The following ATP1B1 variants were observed in gnomAD, a reference collection of about 807,000 sequenced individuals.
ATP1B1 encodes the protein sodium/potassium-transporting ATPase subunit beta-1.
ATP1B1 carries 3 observed loss-of-function variants against 39.6 expected under a neutral mutation model. That is an observed-to-expected ratio of 0.08 (90% CI 0.03 to 0.20). The LOEUF (loss-of-function observed/expected upper bound fraction) is 0.20. Ranked by LOEUF, ATP1B1 falls within the 10% of genes least tolerant of loss-of-function variation. The probability of loss-of-function intolerance (pLI) is 1.00; values close to 1 mark genes in which losing one functional copy is unlikely to be tolerated. For synonymous variants in ATP1B1, 139 were observed against 135.0 expected (o/e 1.03, Z -0.20); for missense variants, 216 against 371.1 (o/e 0.58, Z 3.43).
At chr1:169,111,891 A>AG (rs1370239659) in intron 2 of ATP1B1, among the ~76,000 whole-genome samples, 1 of 151,952 alleles carries the variant, frequency 6.6e-6, no homozygotes, top group South Asian at 2.1e-4. Flanking sequence ...TTACTTCTTG[A>AG]GGGGGGCTAT....
At chr1:169,110,586 T>G in intron 1 of ATP1B1, 27 of 898,520 alleles carry the variant, frequency 3.0e-5, no homozygotes, top group Non-Finnish European at 3.7e-5. Flanking sequence ...TTTTTTTTTT[T>G]GCTTTTGCAG....
At chr1:169,115,945 A>G (rs1313041422) in intron 2 of ATP1B1, among the ~76,000 whole-genome samples, 1 of 152,244 alleles carries the variant, frequency 6.6e-6, no homozygotes, top group Non-Finnish European at 1.5e-5. Flanking sequence ...GCAGTCCTGC[A>G]GTGCTGCTCT....
intron 2 of ATP1B1, among the ~76,000 whole-genome samples, chr1:169,121,482 A>G (rs111956855): frequency 1.1e-3 from 171 of 152,274 alleles, no homozygotes; most frequent in African/African-American, 3.9e-3. Flanking sequence ...ATTGTGAAGG[A>G]ATGAAAAGCG....
rs34447553 is a variant in ATP1B1, at chr1:169,132,019, ATTTTTTTTT to A, written c.*478_*486del. On this transcript the variant is annotated 3_prime_UTR_variant, in exon 6 of 6. Coordinates refer to ENST00000367815, the MANE Select transcript of ATP1B1 (RefSeq NM_001677.4). ...CAACGGGAATAAAACTGGCATGGTA[ATTTTTTTTT>A]TTTTTTTTTTTTTGTTTTTTGGCTC... is the stretch of plus-strand genomic sequence containing the variant. The A allele has an allele frequency of 1.0e-5, 2 of 190,950 alleles. No homozygotes were observed. Among genetic ancestry groups the A allele is most frequent in the Non-Finnish European group, 2.0e-5 (2 of 102,322 alleles). 11.8% of individuals were successfully genotyped at this position (190,950 alleles called of 1,614,324 possible). A position where few individuals can be genotyped will look rare whatever the true frequency, so the allele number is the denominator to read the frequency against.
rs1190292706 is a variant in ATP1B1 at position 169,106,871 on chromosome 1, A to G, written c.42A>G (p.Lys14=). The change falls in exon 1 of 6, where the codon AAA becomes AAG. Residue 14 remains lysine (K), a synonymous_variant. Coordinates refer to ENST00000367815, the MANE Select transcript of ATP1B1 (RefSeq NM_001677.4). ...CCAAGGAGGAGGGCAGCTGGAAGAA[A>G]TTCATCTGGAACTCAGAGAAGAAGG... The part of the protein sequence containing the change: ...GKAKEEGSWK[K]FIWNSEKKEF... 3.8e-6 allele frequency: 6 copies of G among 1,586,936 alleles called. No homozygotes were observed. In the African/African-American group the frequency reaches 8.4e-5, roughly 22 times the overall value.
rs144954792 is a variant in ATP1B1 at position 169,126,702 on chromosome 1, C to A, written c.383-522C>A. ...CTCCAACCTAGGCCACGGAGTGAGACCCTGTCTCAAAAAAACCCTTAAGTG... is the reference window on the plus strand; with the variant it reads ...CTCCAACCTAGGCCACGGAGTGAGAACCTGTCTCAAAAAAACCCTTAAGTG... On this transcript the variant is annotated intron_variant, in intron 3 of 5. Transcript: ENST00000367815. Among the ~76,000 whole-genome samples, 21 of 152,118 alleles carry A rather than the reference C, an allele frequency of 1.4e-4. No individual in the cohort carries two copies. The East Asian group carries it at 2.9e-3, about 21-fold the overall frequency.
intron 2 of ATP1B1, among the ~76,000 whole-genome samples, chr1:169,121,979 CT>C (rs1346610221): frequency 2.0e-5 from 3 of 149,492 alleles, no homozygotes; most frequent in Non-Finnish European, 4.5e-5. Context: ...ATTTGCTCTC[CT>C]TCACTTGTCT....
rs1328515350 is a variant in ATP1B1, at chr1:169,110,643, A to C, written c.98-727A>C. On this transcript the variant is annotated intron_variant, in intron 1 of 5. Coordinates refer to ENST00000367815, the MANE Select transcript of ATP1B1 (RefSeq NM_001677.4). The stretch of plus-strand genomic sequence containing the variant: ...TGTCTTGTTAACTATGGGAAAAAGA[A>C]AATGCAGCCCAGCAAGTCAGTCATT... 6.2e-6 allele frequency: 8 copies of C among 1,286,304 alleles called. No individual in the cohort carries two copies. In the African/African-American group the frequency reaches 7.6e-5, roughly 12 times the overall value. 79.7% of individuals were successfully genotyped at this position (1,286,304 alleles called of 1,614,324 possible). A position where few individuals can be genotyped will look rare whatever the true frequency, so the allele number is the denominator to read the frequency against.
chr1:169,112,763 GA>G lies in ATP1B1; in HGVS notation c.226+1275del, dbSNP rs555599818. On this transcript the variant is annotated intron_variant, in intron 2 of 5. Coordinates refer to ENST00000367815, the MANE Select transcript of ATP1B1 (RefSeq NM_001677.4). ...TTAGAGCTGAGGGATTGGGGAAGTG[GA>G]AAAAAAAAATCACGTAAGTAAATAA... Among the ~76,000 whole-genome samples the G allele has an allele frequency of 6.8e-3, 1,013 of 149,822 alleles. 8 individuals are homozygous for G. Among genetic ancestry groups the G allele is most frequent in the Non-Finnish European group, 7.9e-3 (532 of 67,314 alleles).
At chr1:169,117,688 A>C (rs955049232) in intron 2 of ATP1B1, among the ~76,000 whole-genome samples, 2 of 152,216 alleles carry the variant, frequency 1.3e-5, no homozygotes, top group Non-Finnish European at 2.9e-5. Flanking sequence ...GTCCACTTCT[A>C]CCATAAAATC....
chr1:169,115,068 C>T lies in ATP1B1; in HGVS notation c.226+3570C>T, dbSNP rs918791043. On this transcript the variant is annotated intron_variant, in intron 2 of 5. Transcript: ENST00000367815. ...GTCGTAGTGGCGGGCACCTGTAGTCCCAGCTACTCGGAAGGCTGAGGCAGG... is the reference window on the plus strand; with the variant it reads ...GTCGTAGTGGCGGGCACCTGTAGTCTCAGCTACTCGGAAGGCTGAGGCAGG... Among the ~76,000 whole-genome samples the T allele has an allele frequency of 1.1e-4, 17 of 151,356 alleles. 1 individual carries two copies. Among genetic ancestry groups the T allele is most frequent in the Admixed American group, 1.1e-3 (17 of 15,226 alleles).
At chr1:169,130,554 C>T (rs761347381) in intron 5 of ATP1B1, among the ~76,000 whole-genome samples, 7 of 151,872 alleles carry the variant, frequency 4.6e-5, no homozygotes, top group Non-Finnish European at 1.0e-4. Context: ...TTTGGGAGGC[C>T]GAGATGGGCA....
intron 2 of ATP1B1, among the ~76,000 whole-genome samples, chr1:169,123,052 C>G (rs893133837): frequency 1.1e-4 from 16 of 152,120 alleles, no homozygotes; most frequent in African/African-American, 3.6e-4. Flanking sequence ...CATTATGTAA[C>G]CACTTTTAAA....
At chr1:169,121,934 T>C (rs1433722103) in intron 2 of ATP1B1, among the ~76,000 whole-genome samples, 1 of 152,154 alleles carries the variant, frequency 6.6e-6, no homozygotes, top group Non-Finnish European at 1.5e-5. Context: ...TGACCTTCCC[T>C]GAAGGTCAGA....
chr1:169,119,492 G>A (rs926967004), intron 2 of ATP1B1, among the ~76,000 whole-genome samples: 1 of 152,214 alleles, frequency 6.6e-6, no homozygotes, highest in African/African-American at 2.4e-5. Context: ...AGTGCAAACA[G>A]AGCTCATCCT....
At chr1:169,117,266 A>G (rs1657871149) in intron 2 of ATP1B1, among the ~76,000 whole-genome samples, 1 of 152,192 alleles carries the variant, frequency 6.6e-6, no homozygotes, top group African/African-American at 2.4e-5. Context: ...ATGAGTTAGC[A>G]TTGGTGGCAA....
Position 169,106,904 on chromosome 1 carries a change from G to A in ATP1B1, c.75G>A (p.Leu25=). ...GGAACTCAGAGAAGAAGGAGTTTCT[G>A]GGCAGGACCGGTGGCAGTTGGTGTA... ...FIWNSEKKEF[L]GRTGGSWFKI... is the part of the protein sequence containing the mutation. The change falls in exon 1 of 6, where the codon CTG becomes CTA. Residue 25 remains leucine (L), a synonymous_variant. Transcript: ENST00000367815. 6.3e-7 allele frequency: 1 copy of A among 1,579,902 alleles called. No homozygotes were observed. Among genetic ancestry groups the A allele is most frequent in the South Asian group, 1.1e-5 (1 of 87,458 alleles).
In ATP1B1 at chr1:169,131,717, A is replaced by G. The variant is rs1442438012; in HGVS notation, c.*162A>G. 7 of 831,166 alleles carry G rather than the reference A, an allele frequency of 8.4e-6. No individual in the cohort carries two copies. The allele number at this position is 831,166 out of a possible 1,614,324, so 51.5% of individuals were successfully genotyped here. A position where few individuals can be genotyped will look rare whatever the true frequency, so the allele number is the denominator to read the frequency against. Reference sequence around the variant, plus strand: ...CATTTAATAGGTTAGAATGTAAATTAAAGTGTAGCAATAGCAACAAAATAT... The same window carrying G: ...CATTTAATAGGTTAGAATGTAAATTGAAGTGTAGCAATAGCAACAAAATAT... On this transcript the variant is annotated 3_prime_UTR_variant, in exon 6 of 6. Transcript: ENST00000367815. This position sits in a 1 kb window ranked among gnomAD's most constrained non-coding sequence, Gnocchi z 4.4.
intron 2 of ATP1B1, among the ~76,000 whole-genome samples, chr1:169,122,725 T>C (rs1329405920): frequency 6.6e-6 from 1 of 150,540 alleles, no homozygotes; most frequent in East Asian, 2.0e-4. Context: ...CTTCAGGTTC[T>C]ACATCATCCT....
Sources: gnomAD v4.1 joint callset for allele counts (sites outside exome capture counted in the v4.1 genomes callset) on GRCh38, gnomAD v4.1.1 for gene constraint, Gnocchi (gnomAD v3.1) non-coding constraint, MANE v1.5 for transcripts, NCBI Gene and HGNC (gene_info 2026-07-23, HGNC 2026-07-21) for gene names.